Variants in TNS3 observed in about 807,000 individuals in gnomAD.
TNS3 encodes the protein tensin-3.
TNS3 carries 45 observed loss-of-function variants against 140.9 expected under a neutral mutation model. That is an observed-to-expected ratio of 0.32 (90% CI 0.25 to 0.41). TNS3 has a LOEUF of 0.41. Ranked by LOEUF, TNS3 falls within the 10% of genes least tolerant of loss-of-function variation. The probability of loss-of-function intolerance (pLI) is 1.00; values close to 1 mark genes in which losing one functional copy is unlikely to be tolerated. For synonymous variants in TNS3, 815 were observed against 788.4 expected, an observed-to-expected ratio of 1.03 and a Z score of -0.56; for missense variants, 1,716 against 1,906.7, an observed-to-expected ratio of 0.90 and a Z score of 1.86.
At chr7:47,502,352 T>C (rs2151866454) in intron 3 of TNS3, among the ~76,000 whole-genome samples, 1 of 152,314 alleles carries the variant, frequency 6.6e-6, no homozygotes, top group East Asian at 1.9e-4. Flanking sequence ...AAGTTAATGG[T>C]TGAAACTTAT....
chr7:47,356,694 G>T (rs1301419205), intron 17 of TNS3, among the ~76,000 whole-genome samples: 1 of 152,198 alleles, frequency 6.6e-6, no homozygotes, highest in Non-Finnish European at 1.5e-5. Flanking sequence ...TGACTGTAGT[G>T]ATCCTCTCCC....
At chr7:47,291,410 C>T (rs1785692902) in intron 27 of TNS3, among the ~76,000 whole-genome samples, 1 of 152,156 alleles carries the variant, frequency 6.6e-6, no homozygotes, top group African/African-American at 2.4e-5. Context: ...GGGATGTTGA[C>T]AGCGGGGAGG....
chr7:47,412,583 G>A (rs964260749), intron 12 of TNS3, among the ~76,000 whole-genome samples: 17 of 152,150 alleles, frequency 1.1e-4, no homozygotes, highest in African/African-American at 2.9e-4. Flanking sequence ...GTGCCAGAGC[G>A]AGATGCTCTC....
chr7:47,368,126 C>T (rs562499294), intron 17 of TNS3, among the ~76,000 whole-genome samples: 4 of 152,358 alleles, frequency 2.6e-5, no homozygotes, highest in African/African-American at 4.8e-5. Context: ...CCTGCACTGA[C>T]GTTAACAGCA....
intron 17 of TNS3, among the ~76,000 whole-genome samples, chr7:47,365,663 G>A (rs145743433): frequency 0.011 from 1,643 of 152,168 alleles, 28 homozygotes; most frequent in African/African-American, 0.038. Context: ...ACTGGGTTGA[G>A]GCAGGAGAAT....
rs1562675376 is a variant in TNS3 at position 47,389,090 on chromosome 7, G to GC, written c.1024+7709_1024+7710insG. Reference sequence around the variant, plus strand: ...AGAAGAAGAAGAAGAAGAAGAGGAAGAGGAAGAGGAAGCGGAAGCAGAAGA... The same window carrying GC: ...AGAAGAAGAAGAAGAAGAAGAGGAAGCAGGAAGAGGAAGCGGAAGCAGAAGA... On this transcript the variant is annotated intron_variant, in intron 16 of 30. Coordinates refer to ENST00000311160, the MANE Select transcript of TNS3 (RefSeq NM_022748.12). 6.1e-4 allele frequency among the ~76,000 whole-genome samples: 48 copies of GC among 78,724 alleles called. 8 individuals carry two copies. Among genetic ancestry groups the GC allele is most frequent in the East Asian group, 4.3e-3 (8 of 1,860 alleles). 51.6% of individuals were successfully genotyped at this position (78,724 alleles called of 152,430 possible).
chr7:47,550,494 T>C (rs952125821), intron 1 of TNS3, among the ~76,000 whole-genome samples: 1 of 152,232 alleles, frequency 6.6e-6, no homozygotes, highest in Non-Finnish European at 1.5e-5. Flanking sequence ...CTGTCCCTAG[T>C]TGTCCCACAG....
chr7:47,489,528 T>C (rs1174500682), intron 3 of TNS3, among the ~76,000 whole-genome samples: 1 of 152,214 alleles, frequency 6.6e-6, no homozygotes, highest in African/African-American at 2.4e-5. Context: ...TGTGTAGCTG[T>C]TTAACATTGG....
chr7:47,408,082 A>G (rs1313505554), intron 13 of TNS3, among the ~76,000 whole-genome samples: 2 of 152,056 alleles, frequency 1.3e-5, no homozygotes, highest in East Asian at 3.9e-4. Flanking sequence ...AGCAGGTTAG[A>G]GCCAGCAACA....
intron 15 of TNS3, among the ~76,000 whole-genome samples, chr7:47,398,808 G>C (rs972067638): frequency 1.3e-5 from 2 of 152,040 alleles, no homozygotes; most frequent in African/African-American, 4.8e-5. Context: ...ACATAGTACT[G>C]GAATAGTACT....
intron 4 of TNS3, chr7:47,470,675 G>C (rs1000026133): frequency 2.0e-6 from 2 of 984,858 alleles, no homozygotes; most frequent in African/African-American, 3.5e-5. Flanking sequence ...GGGCTGATGG[G>C]AATCCAGTGT....
At chr7:47,315,228 C>G (rs2150797444) in intron 20 of TNS3, among the ~76,000 whole-genome samples, 1 of 152,348 alleles carries the variant, frequency 6.6e-6, no homozygotes, top group South Asian at 2.1e-4. Context: ...AGACCCAGAG[C>G]AGGAGGCATA....
upstream of TNS3, chr7:47,582,165 C>G (rs1412937259): frequency 6.6e-6 from 1 of 151,242 alleles, no homozygotes; most frequent in African/African-American, 2.4e-5. Context: ...GCGGCAGGGC[C>G]CCCTCGAGGC....
Position 47,345,008 on chromosome 7 carries a change from C to G in TNS3, c.2482G>C (p.Asp828His). 6.2e-7 allele frequency: 1 copy of G among 1,614,100 alleles called. No individual in the cohort carries two copies. The highest frequency in any genetic ancestry group is 8.5e-7 in the Non-Finnish European group (1 of 1,180,030). The change falls in exon 19 of 31, where the codon GAT becomes CAT. Residue 828 changes from aspartate to histidine, a missense_variant. Asp to His is a moderately conservative substitution (Grantham distance 81, BLOSUM62 -1). Coordinates refer to ENST00000311160, the MANE Select transcript of TNS3 (RefSeq NM_022748.12). The part of the protein sequence containing the change: ...TMTPGYPQDL[D>H]IIDGRILSSK... ...CTTAAAATTCTGCCATCGATAATATCGAGGTCCTGGGGATAGCCAGGGGTC... is the reference window on the plus strand; with the variant it reads ...CTTAAAATTCTGCCATCGATAATATGGAGGTCCTGGGGATAGCCAGGGGTC...
At chr7:47,362,936 T>C (rs1289994164) in intron 17 of TNS3, among the ~76,000 whole-genome samples, 1 of 20,934 alleles carries the variant, frequency 4.8e-5, no homozygotes, top group African/African-American at 1.6e-4. Context: ...ATTAACATCA[T>C]CACCACCATC....
chr7:47,416,595 G>A (rs1562713010), intron 10 of TNS3, among the ~76,000 whole-genome samples: 3 of 152,154 alleles, frequency 2.0e-5, no homozygotes, highest in Non-Finnish European at 4.4e-5. Context: ...CCTCACAAGA[G>A]TCGCAGAGGA....
rs1784851968 is a variant in TNS3 at position 47,275,909 on chromosome 7, T to C, written c.*2167A>G. 2.2e-6 allele frequency: 1 copy of C among 455,520 alleles called. No homozygotes were observed. Among genetic ancestry groups the C allele is most frequent in the African/African-American group, 2.0e-5 (1 of 50,056 alleles). The allele number at this position is 455,520 out of a possible 1,614,324, so 28.2% of individuals were successfully genotyped here. A position where few individuals can be genotyped will look rare whatever the true frequency, so the allele number is the denominator to read the frequency against. On this transcript the variant is annotated 3_prime_UTR_variant, in exon 31 of 31. Transcript: ENST00000311160. ...CTGTGATTCCCTGGCAGGCTGCGTTTCTCAATACTGAGACCCTAGTTTGCT... is the reference window on the plus strand; with the variant it reads ...CTGTGATTCCCTGGCAGGCTGCGTTCCTCAATACTGAGACCCTAGTTTGCT...
intron 27 of TNS3, 137 bp downstream of exon 27, chr7:47,291,818 T>G (rs1785721026): frequency 1.1e-6 from 1 of 930,262 alleles, no homozygotes; most frequent in African/African-American, 1.7e-5. Context: ...CTGTGCAAGC[T>G]TCTATAAAAG....
In TNS3 at chr7:47,435,327, G is replaced by A. The variant is rs1562737705; in HGVS notation, c.279C>T (p.Ser93=). The A allele has an allele frequency of 1.9e-6, 3 of 1,614,128 alleles. No homozygotes were observed. The highest frequency in any genetic ancestry group is 2.5e-6 in the Non-Finnish European group (3 of 1,180,022). Residue 93 remains serine, a synonymous_variant, in exon 8 of 31, where the codon TCC becomes TCT. Transcript: ENST00000311160. The part of the protein sequence containing the change: ...KMCTICKAQE[S]WLNSNLQHVV... ...CATGCTGGAGGTTGCTGTTCAGCCA[G>A]GACTCCTGCGCCTTGCATATGGTAC...
Sources: gnomAD v4.1 joint callset for allele counts (sites outside exome capture counted in the v4.1 genomes callset) on GRCh38, gnomAD v4.1.1 for gene constraint, MANE v1.5 for transcripts, NCBI Gene and HGNC (gene_info 2026-07-23, HGNC 2026-07-21) for gene names.